C6orf58: variants seen among roughly 807,000 people sequenced by gnomAD.
C6orf58 encodes the protein chromosome 6 open reading frame 58, also known as protein LEG1 homolog.
In C6orf58, 30 loss-of-function variants were observed where a neutral mutation model predicts 37.0. The observed-to-expected ratio is 0.81, with a 90% CI of 0.61 to 1.10. C6orf58 has a LOEUF of 1.10. C6orf58 is among the 50% of genes least tolerant of loss of function. The pLI is 0.00. For missense variants in C6orf58, 368 were observed against 387.5 expected, an observed-to-expected ratio of 0.95 and a Z score of 0.42; for synonymous variants, 143 against 134.1, an observed-to-expected ratio of 1.07 and a Z score of -0.46.
intron 4 of C6orf58, among the ~76,000 whole-genome samples, chr6:127,586,019 A>C (rs543795044): frequency 1.3e-5 from 2 of 152,300 alleles, no homozygotes; most frequent in East Asian, 3.9e-4. Context: ...CCTTATTTCT[A>C]GTGATTTCAA....
chr6:127,589,353 A>G (rs532224177), intron 4 of C6orf58, among the ~76,000 whole-genome samples: 73 of 152,218 alleles, frequency 4.8e-4, no homozygotes, highest in Non-Finnish European at 8.4e-4. Flanking sequence ...AGGGAGAACA[A>G]GTCTGTTTGC....
chr6:127,588,745 T>C (rs973540876), intron 4 of C6orf58, among the ~76,000 whole-genome samples: 3 of 152,180 alleles, frequency 2.0e-5, no homozygotes, highest in African/African-American at 7.2e-5. Context: ...TTTCTGTGTA[T>C]TGAACTGGTG....
Position 127,577,442 on chromosome 6 carries a change from T to C in C6orf58, c.257T>C (p.Ile86Thr). ...AKFAPDNEQNILWGLPLQYGW... is the reference protein window; with the variant it reads ...AKFAPDNEQNTLWGLPLQYGW... ...TTTGCACCAGATAATGAACAGAATA[T>C]TTTATGGGGGTTGCCTCTGCAGTAT... is the stretch of plus-strand genomic sequence containing the variant. The change falls in exon 1 of 6, where the codon ATT becomes ACT. Residue 86 changes from isoleucine (I) to threonine (T), a missense_variant. Physicochemically the swap from Ile to Thr is moderately conservative, Grantham distance 89 (BLOSUM62 -1). Transcript: ENST00000329722. The C allele has an allele frequency of 6.2e-7, 1 of 1,613,642 alleles. No homozygotes were observed. The highest frequency in any genetic ancestry group is 8.5e-7 in the Non-Finnish European group (1 of 1,179,638).
intron 1 of C6orf58, among the ~76,000 whole-genome samples, chr6:127,578,075 C>A (rs1312569869): frequency 6.6e-6 from 1 of 151,930 alleles, no homozygotes; most frequent in East Asian, 1.9e-4. Flanking sequence ...GTGCCTGTTG[C>A]CCACTCCCTG....
intron 1 of C6orf58, among the ~76,000 whole-genome samples, chr6:127,578,355 T>A (rs1337713736): frequency 1.3e-5 from 2 of 152,046 alleles, no homozygotes; most frequent in Non-Finnish European, 2.9e-5. Context: ...GGGTTTGTTT[T>A]GACTCTCGAC....
At position 127,591,626 on chromosome 6, in the gene C6orf58, A is replaced by AT; in HGVS notation, c.*7dup. The AT allele has an allele frequency of 6.7e-7, 1 of 1,491,416 alleles. No homozygotes were observed. Among genetic ancestry groups the AT allele is most frequent in the Non-Finnish European group, 8.9e-7 (1 of 1,124,852 alleles). The allele number at this position is 1,491,416 out of a possible 1,614,324, so 92.4% of individuals were successfully genotyped here. ...AAGTTATGGAAATAACTCCTGAAAC[A>AT]TTTAACTTCAAACTTCAGGAAATGA... On this transcript the variant is annotated 3_prime_UTR_variant, in exon 6 of 6. Coordinates refer to ENST00000329722, the MANE Select transcript of C6orf58 (RefSeq NM_001010905.3).
At chr6:127,591,286 T>C (rs2114303128) in intron 5 of C6orf58, among the ~76,000 whole-genome samples, 1 of 152,318 alleles carries the variant, frequency 6.6e-6, no homozygotes, top group Admixed American at 6.5e-5. Context: ...ATATATATTT[T>C]TCTTGCATAA....
intron 1 of C6orf58, among the ~76,000 whole-genome samples, chr6:127,578,339 G>A (rs1775011947): frequency 6.6e-6 from 1 of 152,062 alleles, no homozygotes; most frequent in South Asian, 2.1e-4. Flanking sequence ...GTAAGTGGTA[G>A]AGCAGGGGTT....
chr6:127,591,293 A>G (rs1293805941), intron 5 of C6orf58, among the ~76,000 whole-genome samples: 2 of 152,138 alleles, frequency 1.3e-5, no homozygotes, highest in Admixed American at 1.3e-4. Context: ...TTTTTCTTGC[A>G]TAATTTATTA....
intron 4 of C6orf58, among the ~76,000 whole-genome samples, chr6:127,586,471 T>G (rs1019717165): frequency 6.6e-6 from 1 of 152,192 alleles, no homozygotes; most frequent in African/African-American, 2.4e-5. Context: ...TCCCTGTGGC[T>G]CCACCCCATG....
rs1775016151 is a variant in C6orf58, at chr6:127,578,724, T to C, written c.340T>C (p.Tyr114His). The change falls in exon 2 of 6, where the codon TAT (tyrosine) becomes CAT (histidine). Residue 114 changes from tyrosine to histidine, a missense_variant. Transcript: ENST00000329722. ...TCCAACCCGAAGGACAAACTGTGGCTATGAATCTGGAGATCATATGTGCAT... is the reference window on the plus strand; with the variant it reads ...TCCAACCCGAAGGACAAACTGTGGCCATGAATCTGGAGATCATATGTGCAT... ...ADPTRRTNCGYESGDHMCISV... is the reference protein window; with the variant it reads ...ADPTRRTNCGHESGDHMCISV... 2.5e-6 allele frequency: 4 copies of C among 1,612,970 alleles called. No individual in the cohort carries two copies. The highest frequency in any genetic ancestry group is 3.4e-6 in the Non-Finnish European group (4 of 1,179,158).
chr6:127,589,112 A>G (rs1235186670), intron 4 of C6orf58, among the ~76,000 whole-genome samples: 1 of 152,354 alleles, frequency 6.6e-6, no homozygotes, highest in East Asian at 1.9e-4. Context: ...TGCTGTCAAA[A>G]TAAAATCAGA....
Position 127,590,155 on chromosome 6 carries a change from C to CTGCA in C6orf58, c.744_747dup (p.Val250CysfsTer10). 1 of 1,613,782 alleles carries CTGCA rather than the reference C, an allele frequency of 6.2e-7. No individual in the cohort carries two copies. Among genetic ancestry groups the CTGCA allele is most frequent in the Non-Finnish European group, 8.5e-7 (1 of 1,179,798 alleles). ...TGGGTACTGGCTGTGGATCATTTAG[C>CTGCA]TGCAGTCCTCTTTCCTACAACCTTG... On this transcript the variant is annotated frameshift_variant, in exon 5 of 6. Transcript: ENST00000329722. LOFTEE classifies it high-confidence loss of function.
chr6:127,585,140 G>A (rs1462572132), intron 4 of C6orf58, among the ~76,000 whole-genome samples: 1 of 152,102 alleles, frequency 6.6e-6, no homozygotes, highest in Non-Finnish European at 1.5e-5. Context: ...ACAACTTAAA[G>A]AAGGTTTAAC....
Position 127,582,071 on chromosome 6 carries a change from C to T in C6orf58, c.674+789C>T, listed in dbSNP as rs188830778. ...TCAATTTTGAGAGGTTGACCAAAAC[C>T]TTGGGCATTGACATCACTCTCTGTC... On this transcript the variant is annotated intron_variant, in intron 4 of 5. Coordinates refer to ENST00000329722, the MANE Select transcript of C6orf58 (RefSeq NM_001010905.3). Among the ~76,000 whole-genome samples, 10 of 152,266 alleles carry T rather than the reference C, an allele frequency of 6.6e-5. No individual in the cohort carries two copies. The East Asian group carries it at 1.7e-3, about 26-fold the overall frequency.
intron 4 of C6orf58, among the ~76,000 whole-genome samples, chr6:127,588,099 G>T (rs1037947740): frequency 3.9e-5 from 6 of 152,182 alleles, no homozygotes; most frequent in Non-Finnish European, 7.3e-5. Context: ...CATGTTGGCT[G>T]ATTTTGATTG....
chr6:127,590,473 A>T, intron 5 of C6orf58, 148 bp downstream of exon 5: 2 of 619,870 alleles, frequency 3.2e-6, no homozygotes, highest in Admixed American at 2.9e-5. Context: ...CTTTAGCAAT[A>T]ATCACTCTTG....
rs78716138 is a variant in C6orf58 at position 127,581,990 on chromosome 6, C to T, written c.674+708C>T. On this transcript the variant is annotated intron_variant, in intron 4 of 5. Transcript: ENST00000329722. ...CATTAAGTTGCAGTTTGCTACATAT[C>T]GTGGCAATTTTAGGCCAAACTTAAT... is the stretch of plus-strand genomic sequence containing the variant. 2.1e-3 allele frequency among the ~76,000 whole-genome samples: 313 copies of T among 152,264 alleles called. 5 individuals carry two copies. In the East Asian group the frequency reaches 0.051, roughly 25 times the overall value.
intron 2 of C6orf58, 55 bp from the exon 3 acceptor site, chr6:127,580,210 T>C: frequency 7.3e-7 from 1 of 1,370,314 alleles, no homozygotes; most frequent in Non-Finnish European, 1.0e-6. Flanking sequence ...CTTAAAAATA[T>C]CCTCTTTGAA....
Sources: gnomAD v4.1 joint callset for allele counts (sites outside exome capture counted in the v4.1 genomes callset) on GRCh38, gnomAD v4.1.1 for gene constraint, MANE v1.5 for transcripts, NCBI Gene and HGNC (gene_info 2026-07-23, HGNC 2026-07-21) for gene names.